The following PIK3AP1 variants were observed in gnomAD, a reference collection of about 807,000 sequenced individuals.
PIK3AP1 encodes the protein phosphoinositide 3-kinase adapter protein 1.
A neutral mutation model predicts 88.1 loss-of-function variants in PIK3AP1; 21 were observed. The ratio of observed to expected loss-of-function variants is 0.24; its 90% CI spans 0.17 to 0.34. The LOEUF is 0.34. Among genes scored for constraint, PIK3AP1 ranks in the 10% least tolerant of loss-of-function variants. The pLI is 1.00. For synonymous variants in PIK3AP1, 398 were observed against 400.0 expected, an observed-to-expected ratio of 1.00 and a Z score of 0.06; for missense variants, 828 against 1,035.7, an observed-to-expected ratio of 0.80 and a Z score of 2.75.
chr10:96,638,536 C>T (rs1019127293), intron 8 of PIK3AP1, among the ~76,000 whole-genome samples: 1 of 151,876 alleles, frequency 6.6e-6, no homozygotes, highest in African/African-American at 2.4e-5. Context: ...TGAGTGATGG[C>T]TGGCATTGGC....
Position 96,627,868 on chromosome 10 carries a change from C to A in PIK3AP1, c.1471+530G>T, listed in dbSNP as rs143067770. Among the ~76,000 whole-genome samples, 102 of 152,254 alleles carry A rather than the reference C, an allele frequency of 6.7e-4. 2 individuals are homozygous for A. In the East Asian group the frequency reaches 0.013, roughly 19 times the overall value. On this transcript the variant is annotated intron_variant, in intron 9 of 16. Coordinates refer to ENST00000339364, the MANE Select transcript of PIK3AP1 (RefSeq NM_152309.3). Reference sequence around the variant, plus strand: ...CATTTTACAACGGAGGAAACTGAGTCCCAGAGGACTTGAATAACTTGCCTA... The same window carrying A: ...CATTTTACAACGGAGGAAACTGAGTACCAGAGGACTTGAATAACTTGCCTA...
chr10:96,620,261 A>T, intron 12 of PIK3AP1, 91 bp downstream of exon 12: 1 of 1,295,584 alleles, frequency 7.7e-7, no homozygotes, highest in Non-Finnish European at 1.1e-6. Context: ...GTGTCCAGGT[A>T]CAGCAATACA....
chr10:96,631,301 A>C lies in PIK3AP1; in HGVS notation c.1376-2808T>G, dbSNP rs1843241502. ...AATATCAGAGTGCAAACCTCACACA[A>C]TCTGTCAACCCTGTTGACAGAGTGG... On this transcript the variant is annotated intron_variant, in intron 8 of 16. Transcript: ENST00000339364. 3.3e-5 allele frequency among the ~76,000 whole-genome samples: 5 copies of C among 152,148 alleles called. No individual in the cohort carries two copies. In the South Asian group the frequency reaches 1.0e-3, roughly 32 times the overall value.
Position 96,613,006 on chromosome 10 carries a change from T to G in PIK3AP1, c.2015-3139A>C, listed in dbSNP as rs939141410. ...TATTTTTTTTTTTTTTTTTTTTTTT[T>G]TTTTTTTTTTGAGACAGAGTCTCGC... On this transcript the variant is annotated intron_variant, in intron 13 of 16. Transcript: ENST00000339364. Among the ~76,000 whole-genome samples the G allele has an allele frequency of 1.0e-4, 5 of 48,938 alleles. 1 individual carries two copies. Among genetic ancestry groups the G allele is most frequent in the African/African-American group, 3.1e-4 (5 of 16,064 alleles). The allele number at this position is 48,938 out of a possible 152,430, so 32.1% of individuals were successfully genotyped here.
chr10:96,622,102 GACCCATGGGC>G (rs1177319261), intron 11 of PIK3AP1, among the ~76,000 whole-genome samples: 1 of 152,220 alleles, frequency 6.6e-6, no homozygotes, highest in East Asian at 1.9e-4. Context: ...AGTGATTGTG[GACCCATGGGC>G]ATGAAATGCC....
At chr10:96,683,475 CA>C (rs35876416) in intron 2 of PIK3AP1, among the ~76,000 whole-genome samples, 3 of 151,374 alleles carry the variant, frequency 2.0e-5, no homozygotes, top group Non-Finnish European at 1.5e-5. Context: ...AATGTACTGA[CA>C]AAAAAAAATC....
intron 11 of PIK3AP1, among the ~76,000 whole-genome samples, chr10:96,622,266 T>C (rs181720410): frequency 5.9e-5 from 9 of 152,354 alleles, no homozygotes; most frequent in Admixed American, 2.6e-4. Flanking sequence ...TTCTCTGCTT[T>C]GGAGCTTCTG....
rs183483873 is a variant in PIK3AP1 at position 96,595,870 on chromosome 10, G to T, written c.2361-236C>A. 4.1e-3 allele frequency among the ~76,000 whole-genome samples: 618 copies of T among 152,186 alleles called. 3 individuals carry two copies. The highest frequency in any genetic ancestry group is 7.5e-3 in the Admixed American group (115 of 15,286). On this transcript the variant is annotated intron_variant, in intron 16 of 16. Transcript: ENST00000339364. ...ATACCAATTCCAAGGATCCATCCCA[G>T]ACCCATCGCATTCTAAGCTCTAGAG...
intron 6 of PIK3AP1, 148 bp from the exon 7 acceptor site, chr10:96,649,003 C>T (rs1589513781): frequency 6.3e-6 from 4 of 630,474 alleles, no homozygotes; most frequent in Non-Finnish European, 1.0e-5. Flanking sequence ...CATCTAACAG[C>T]TTCCTTCAGG....
At chr10:96,667,452 C>T (rs1398678298) in intron 2 of PIK3AP1, among the ~76,000 whole-genome samples, 4 of 152,224 alleles carry the variant, frequency 2.6e-5, no homozygotes, top group Non-Finnish European at 2.9e-5. Context: ...CAAAACACAA[C>T]ATAAATGATT....
intron 8 of PIK3AP1, among the ~76,000 whole-genome samples, chr10:96,635,960 C>A (rs1843306141): frequency 6.6e-6 from 1 of 151,998 alleles, no homozygotes; most frequent in South Asian, 2.1e-4. Context: ...GTAATCCCAG[C>A]ACTTTGGGAG....
In PIK3AP1 at chr10:96,705,758, T is replaced by C. The variant is rs867104012; in HGVS notation, c.430+3809A>G. On this transcript the variant is annotated intron_variant, in intron 2 of 16. Coordinates refer to ENST00000339364, the MANE Select transcript of PIK3AP1 (RefSeq NM_152309.3). ...CCACCATGCCCAGCTAATTTTTGTA[T>C]TTTTTGTAGAGACAGGGTTTTGCCA... is the stretch of plus-strand genomic sequence containing the variant. Among the ~76,000 whole-genome samples the C allele has an allele frequency of 4.6e-5, 7 of 151,874 alleles. No homozygotes were observed. In the South Asian group the frequency reaches 1.3e-3, roughly 27 times the overall value.
intron 1 of PIK3AP1, among the ~76,000 whole-genome samples, chr10:96,719,796 A>G (rs1474383410): frequency 2.0e-5 from 3 of 152,106 alleles, no homozygotes; most frequent in African/African-American, 7.2e-5. Context: ...CCATTCCCCA[A>G]AGTTCTGCAA....
intron 13 of PIK3AP1, among the ~76,000 whole-genome samples, chr10:96,613,431 C>A (rs538295013): frequency 6.6e-6 from 1 of 152,174 alleles, no homozygotes; most frequent in Non-Finnish European, 1.5e-5. Flanking sequence ...TGCTTGCCGT[C>A]CCCGGTCATT....
At chr10:96,678,523 A>G (rs1203091216) in intron 2 of PIK3AP1, among the ~76,000 whole-genome samples, 1 of 152,124 alleles carries the variant, frequency 6.6e-6, no homozygotes, top group African/African-American at 2.4e-5. Flanking sequence ...TCCCACCTTG[A>G]TCTCCCAATG....
chr10:96,716,838 C>T (rs903560997), intron 1 of PIK3AP1, among the ~76,000 whole-genome samples: 4 of 152,070 alleles, frequency 2.6e-5, no homozygotes, highest in Admixed American at 1.3e-4. Flanking sequence ...CCTCGTAAAA[C>T]GTCAAGAACA....
rs550087781 is a variant in PIK3AP1, at chr10:96,701,235, C to T, written c.430+8332G>A. On this transcript the variant is annotated intron_variant, in intron 2 of 16. Transcript: ENST00000339364. ...TTATGGCCTGGAGCACTCAGGGAAG[C>T]GTCATTTTCTCTGATCCTTTCTCTT... Among the ~76,000 whole-genome samples, 40 of 152,302 alleles carry T rather than the reference C, an allele frequency of 2.6e-4. 1 individual carries two copies. The South Asian group carries it at 7.5e-3, about 28-fold the overall frequency.
intron 14 of PIK3AP1, among the ~76,000 whole-genome samples, chr10:96,604,344 A>ATTTTTTTTTTTTTTT (rs66487275): frequency 9.1e-5 from 7 of 77,128 alleles, no homozygotes; most frequent in African/African-American, 2.0e-4. Context: ...CACCTAGCCA[A>ATTTTTTTTTTTTTTT]TTTTTTTTTT....
chr10:96,619,368 C>T (rs1843045664), intron 12 of PIK3AP1: 1 of 152,254 alleles, frequency 6.6e-6, no homozygotes. Flanking sequence ...AGAATACACA[C>T]CACCAGGGTC....
Sources: allele counts gnomAD v4.1 joint callset (sites outside exome capture counted in the v4.1 genomes callset), GRCh38; gene constraint gnomAD v4.1.1; transcripts MANE v1.5; gene names NCBI Gene and HGNC (gene_info 2026-07-23, HGNC 2026-07-21).